Variants in EYA4 observed in about 807,000 individuals in gnomAD.
The protein encoded by EYA4 is EYA transcriptional coactivator and phosphatase 4.
A neutral mutation model predicts 87.9 loss-of-function variants in EYA4; 31 were observed. The ratio of observed to expected loss-of-function variants is 0.35; its 90% CI spans 0.27 to 0.48. The LOEUF (loss-of-function observed/expected upper bound fraction) is 0.48, where lower values mean the gene tolerates loss of function less well. Ranked by LOEUF, EYA4 falls within the 20% of genes least tolerant of loss-of-function variation. The probability of loss-of-function intolerance (pLI) is 0.99; values close to 1 mark genes in which losing one functional copy is unlikely to be tolerated. For missense variants in EYA4, 678 were observed against 761.4 expected (o/e 0.89, Z 1.29); for synonymous variants, 263 against 270.6 (o/e 0.97, Z 0.28).
chr6:133,307,804 T>C (rs1252403928), intron 2 of EYA4, among the ~76,000 whole-genome samples: 1 of 152,200 alleles, frequency 6.6e-6, no homozygotes, highest in African/African-American at 2.4e-5. Context: ...TTTGAAAGGC[T>C]GTAGAACCTG....
At chr6:133,485,237 A>T (rs1438022049) in intron 13 of EYA4, among the ~76,000 whole-genome samples, 1 of 152,142 alleles carries the variant, frequency 6.6e-6, no homozygotes, top group African/African-American at 2.4e-5. Context: ...TATTTCCCTA[A>T]AAGGTTTTTT....
intron 3 of EYA4, among the ~76,000 whole-genome samples, chr6:133,428,911 CTTTTTTTTTTTTTTTTT>C (rs58727159): frequency 1.0e-4 from 5 of 48,230 alleles, no homozygotes; most frequent in Admixed American, 4.0e-4. Context: ...GATTTAGCTT[CTTTTTTTTTTTTTTTTT>C]TTTTTTTTTT....
At chr6:133,256,563 C>T (rs1399141850) in intron 1 of EYA4, among the ~76,000 whole-genome samples, 1 of 151,958 alleles carries the variant, frequency 6.6e-6, no homozygotes, top group Non-Finnish European at 1.5e-5. Context: ...TGACATTACT[C>T]CATTATAAAT....
At chr6:133,527,975 A>T (rs1447761515) in intron 19 of EYA4, among the ~76,000 whole-genome samples, 1 of 152,076 alleles carries the variant, frequency 6.6e-6, no homozygotes, top group East Asian at 1.9e-4. Context: ...TGAAATTTTA[A>T]TGTCACATAT....
chr6:133,263,371 A>G (rs1243967672), intron 1 of EYA4, among the ~76,000 whole-genome samples: 1 of 152,224 alleles, frequency 6.6e-6, no homozygotes, highest in African/African-American at 2.4e-5. Flanking sequence ...AAATTCTGCC[A>G]GGACTTTCTT....
At chr6:133,404,282 T>C (rs1402971460) in intron 3 of EYA4, among the ~76,000 whole-genome samples, 1 of 152,162 alleles carries the variant, frequency 6.6e-6, no homozygotes, top group Non-Finnish European at 1.5e-5. Flanking sequence ...TGTTACTCAG[T>C]GATGAGGGGA....
intron 2 of EYA4, among the ~76,000 whole-genome samples, chr6:133,311,944 C>A (rs902874261): frequency 3.3e-5 from 5 of 152,148 alleles, no homozygotes; most frequent in Non-Finnish European, 5.9e-5. Flanking sequence ...TAGATATTAT[C>A]CACGTAATTG....
At chr6:133,312,204 A>T (rs1029891049) in intron 2 of EYA4, among the ~76,000 whole-genome samples, 1 of 152,090 alleles carries the variant, frequency 6.6e-6, no homozygotes, top group Admixed American at 6.6e-5. Context: ...AGAAGGCAGG[A>T]GCATTGGCGG....
chr6:133,386,455 C>A (rs1322551965), intron 3 of EYA4, among the ~76,000 whole-genome samples: 1 of 151,980 alleles, frequency 6.6e-6, no homozygotes, highest in African/African-American at 2.4e-5. Flanking sequence ...GCATACTTTA[C>A]AAATATCTTA....
At chr6:133,516,655 C>T (rs1385431119) in intron 17 of EYA4, among the ~76,000 whole-genome samples, 1 of 149,386 alleles carries the variant, frequency 6.7e-6, no homozygotes, top group Admixed American at 6.7e-5. Context: ...ACCTGGGAGG[C>T]GGAGGTTACA....
chr6:133,357,088 A>G (rs1451474255), intron 2 of EYA4, among the ~76,000 whole-genome samples: 7 of 151,686 alleles, frequency 4.6e-5, no homozygotes, highest in African/African-American at 9.7e-5. Context: ...TGGCTAAAAC[A>G]GTGAAACCCC....
At chr6:133,317,807 G>C in intron 2 of EYA4, among the ~76,000 whole-genome samples, 2 of 144,188 alleles carry the variant, frequency 1.4e-5, no homozygotes, top group African/African-American at 5.2e-5. Flanking sequence ...CCAGCCCCCC[G>C]TTCATCTATC....
At chr6:133,362,124 G>C (rs946158660) in intron 2 of EYA4, among the ~76,000 whole-genome samples, 2 of 152,194 alleles carry the variant, frequency 1.3e-5, no homozygotes, top group Non-Finnish European at 2.9e-5. Context: ...TGTAATACTT[G>C]TTCAGAAAGT....
At chr6:133,323,084 GTGTGTGTGTGTT>G (rs1421604417) in intron 2 of EYA4, among the ~76,000 whole-genome samples, 1 of 151,814 alleles carries the variant, frequency 6.6e-6, no homozygotes, top group Non-Finnish European at 1.5e-5. Flanking sequence ...GTGTGTGTGT[GTGTGTGTGTGTT>G]TGTGTGTGTG....
rs914947764 is a variant in EYA4, at chr6:133,308,849, A to C, written c.33+34036A>C. Among the ~76,000 whole-genome samples the C allele has an allele frequency of 2.6e-5, 4 of 152,182 alleles. No homozygotes were observed. In the South Asian group the frequency reaches 8.3e-4, roughly 31 times the overall value. On this transcript the variant is annotated intron_variant, in intron 2 of 19. Transcript: ENST00000355286. ...AAAACATGTTCCTTCATTTTCAGCA[A>C]TTATATGTATTTTTATGCATAGAAA...
chr6:133,312,515 CATT>C (rs1489789957), intron 2 of EYA4, among the ~76,000 whole-genome samples: 2 of 152,128 alleles, frequency 1.3e-5, no homozygotes, highest in African/African-American at 2.4e-5. Context: ...ATGCCTAACT[CATT>C]ATGGTGAACG....
At chr6:133,506,461 C>T (rs1254065377) in intron 14 of EYA4, among the ~76,000 whole-genome samples, 1 of 152,136 alleles carries the variant, frequency 6.6e-6, no homozygotes. Context: ...CTGTACATGA[C>T]TCTTGGTTCT....
At chr6:133,420,765 G>A (rs564998038) in intron 3 of EYA4, among the ~76,000 whole-genome samples, 2 of 152,264 alleles carry the variant, frequency 1.3e-5, no homozygotes, top group South Asian at 2.1e-4. Flanking sequence ...TAACTCCATG[G>A]CATAACTGCA....
chr6:133,257,510 C>T (rs1382594476), intron 1 of EYA4, among the ~76,000 whole-genome samples: 1 of 152,058 alleles, frequency 6.6e-6, no homozygotes, highest in Non-Finnish European at 1.5e-5. Flanking sequence ...ACATCAGATT[C>T]GACCAGTTAC....
Sources: gnomAD v4.1 joint callset for allele counts (sites outside exome capture counted in the v4.1 genomes callset) on GRCh38, gnomAD v4.1.1 for gene constraint, MANE v1.5 for transcripts, NCBI Gene and HGNC (gene_info 2026-07-23, HGNC 2026-07-21) for gene names.